The following ACTR3C variants were observed in gnomAD, a reference collection of about 807,000 sequenced individuals.
ACTR3C encodes the protein actin-related protein 3C.
Under a neutral mutation model 26.3 loss-of-function variants are expected in ACTR3C, and 18 were observed. The observed-to-expected ratio is 0.68, with a 90% CI of 0.47 to 1.01. The LOEUF (loss-of-function observed/expected upper bound fraction) is 1.01, where lower values mean the gene tolerates loss of function less well. Among genes scored for constraint, ACTR3C ranks in the 50% least tolerant of loss-of-function variants. The pLI, the probability that ACTR3C is intolerant of heterozygous loss-of-function variation, is 0.00. For missense variants in ACTR3C, 184 were observed against 250.7 expected (o/e 0.73, Z 1.80); for synonymous variants, 55 against 94.5 (o/e 0.58, Z 2.42).
At chr7:150,169,739 G>T in the ACTR3C span, among the ~76,000 whole-genome samples, 1 of 150,686 alleles carries the variant, frequency 6.6e-6, no homozygotes, top group South Asian at 2.1e-4. Flanking sequence ...TCCTATTTTT[G>T]ACTTCCTTCT....
At chr7:150,132,381 A>G in the ACTR3C span, among the ~76,000 whole-genome samples, 1 of 152,228 alleles carries the variant, frequency 6.6e-6, no homozygotes, top group Non-Finnish European at 1.5e-5. Context: ...GATATCCACA[A>G]TCTACAATGA....
chr7:150,085,488 G>C, the ACTR3C span, among the ~76,000 whole-genome samples: 1 of 152,092 alleles, frequency 6.6e-6, no homozygotes, highest in African/African-American at 2.4e-5. Context: ...ATTAGATAAA[G>C]GCCATAAAAG....
At chr7:150,236,640 C>T in the ACTR3C span, among the ~76,000 whole-genome samples, 2 of 152,114 alleles carry the variant, frequency 1.3e-5, no homozygotes, top group East Asian at 1.9e-4. Context: ...CCCAGGCTAG[C>T]TGTGAAATAG....
chr7:150,005,920 C>T, the ACTR3C span, among the ~76,000 whole-genome samples: 11 of 151,698 alleles, frequency 7.3e-5, no homozygotes, highest in East Asian at 5.8e-4. Flanking sequence ...GAAATAGAAA[C>T]ATGCCCAGCT....
At chr7:149,954,918 C>T in the ACTR3C span, among the ~76,000 whole-genome samples, 3 of 152,196 alleles carry the variant, frequency 2.0e-5, no homozygotes, top group Admixed American at 1.3e-4. Flanking sequence ...TTTGATTGGT[C>T]CTGCTGCAAG....
chr7:150,265,111 A>C (rs1833930203), intron 6 of ACTR3C, among the ~76,000 whole-genome samples: 1 of 152,264 alleles, frequency 6.6e-6, no homozygotes, highest in African/African-American at 2.4e-5. Context: ...CAGTTTACCC[A>C]GCCAAACTGA....
chr7:149,890,784 G>A, the ACTR3C span: 1 of 178,122 alleles, frequency 5.6e-6, no homozygotes, highest in African/African-American at 2.4e-5. Flanking sequence ...TGCTGGGAAG[G>A]TTTCTGGGAA....
the ACTR3C span, among the ~76,000 whole-genome samples, chr7:149,931,309 T>A: frequency 6.6e-6 from 1 of 152,236 alleles, no homozygotes; most frequent in East Asian, 1.9e-4. Flanking sequence ...CGCCTCAGTT[T>A]ACTAGCACTC....
intron 1 of ACTR3C, among the ~76,000 whole-genome samples, chr7:150,309,651 C>T (rs775830764): frequency 2.0e-5 from 3 of 152,198 alleles, no homozygotes; most frequent in Non-Finnish European, 4.4e-5. Flanking sequence ...GGCCACTAGA[C>T]CAAGAAATGC....
the ACTR3C span, among the ~76,000 whole-genome samples, chr7:149,896,064 A>G: frequency 6.7e-6 from 1 of 149,350 alleles, no homozygotes. Flanking sequence ...AAACACAAAA[A>G]CTAGCCGGGA....
At chr7:150,012,339 G>T in the ACTR3C span, among the ~76,000 whole-genome samples, 3 of 85,576 alleles carry the variant, frequency 3.5e-5, no homozygotes, top group African/African-American at 4.9e-5. Context: ...TTTTGAGACG[G>T]AGTCTCGCTC....
chr7:150,076,233 C>T, the ACTR3C span, among the ~76,000 whole-genome samples: 4 of 151,920 alleles, frequency 2.6e-5, no homozygotes, highest in East Asian at 7.7e-4. Flanking sequence ...AAAAACTGAT[C>T]ATCTAATAAA....
chr7:150,270,328 T>C (rs1834350889), intron 6 of ACTR3C, among the ~76,000 whole-genome samples: 1 of 148,430 alleles, frequency 6.7e-6, no homozygotes, highest in African/African-American at 2.6e-5. Context: ...ATCACAGTGC[T>C]TACGCGCTGC....
At chr7:150,035,133 T>A in the ACTR3C span, among the ~76,000 whole-genome samples, 3 of 132,568 alleles carry the variant, frequency 2.3e-5, 1 homozygote, top group Non-Finnish European at 1.6e-5. Flanking sequence ...GTCCTAAGGA[T>A]CTTAGGATCA....
At chr7:150,041,991 A>C in the ACTR3C span, among the ~76,000 whole-genome samples, 97 of 141,900 alleles carry the variant, frequency 6.8e-4, no homozygotes, top group Middle Eastern at 0.012. Flanking sequence ...TACTTGGACA[A>C]CTAACACCCA....
the ACTR3C span, among the ~76,000 whole-genome samples, chr7:150,091,906 T>C: frequency 1.5e-5 from 2 of 129,190 alleles, no homozygotes; most frequent in Non-Finnish European, 3.1e-5. Flanking sequence ...GAGAATGGCG[T>C]GAACCCGGGA....
intron 6 of ACTR3C, among the ~76,000 whole-genome samples, chr7:150,265,392 T>TA (rs370023887): frequency 0.013 from 1,851 of 147,080 alleles, 47 homozygotes; most frequent in African/African-American, 0.043. Context: ...ACATTTTATT[T>TA]AAAAAAAAAA....
At chr7:150,294,300 AC>A (rs1445701250) in intron 2 of ACTR3C, among the ~76,000 whole-genome samples, 1 of 152,230 alleles carries the variant, frequency 6.6e-6, no homozygotes, top group Non-Finnish European at 1.5e-5. Flanking sequence ...CCCGCAATGC[AC>A]ACGGCGGCGC....
chr7:149,885,322 C>T, the ACTR3C span, among the ~76,000 whole-genome samples: 46 of 152,348 alleles, frequency 3.0e-4, no homozygotes, highest in African/African-American at 1.1e-3. Flanking sequence ...CCCAGCAGGA[C>T]TGGAGCTTCT....
Sources: allele counts gnomAD v4.1 joint callset (sites outside exome capture counted in the v4.1 genomes callset), GRCh38; gene constraint gnomAD v4.1.1; transcripts MANE v1.5; gene names NCBI Gene and HGNC (gene_info 2026-07-23, HGNC 2026-07-21).